The following SYT10 variants were observed in gnomAD, a reference collection of about 807,000 sequenced individuals.
SYT10 encodes the protein synaptotagmin-10.
Under a neutral mutation model 51.1 loss-of-function variants are expected in SYT10, and 31 were observed. The ratio of observed to expected loss-of-function variants is 0.61; its 90% CI spans 0.46 to 0.82. SYT10 has a LOEUF of 0.82. Among genes scored for constraint, SYT10 ranks in the 40% least tolerant of loss-of-function variants. The pLI is 0.00. For missense variants in SYT10, 603 were observed against 634.0 expected, an observed-to-expected ratio of 0.95 and a Z score of 0.53; for synonymous variants, 233 against 225.9, an observed-to-expected ratio of 1.03 and a Z score of -0.28.
At chr12:33,426,532 T>C (rs201654864) in intron 1 of SYT10, 37 bp from the exon 2 acceptor site, 6 of 1,444,416 alleles carry the variant, frequency 4.2e-6, no homozygotes, top group East Asian at 4.9e-5. Context: ...TTAATTAATA[T>C]TGTACATAAA....
Position 33,406,802 on chromosome 12 carries a change from T to C in SYT10, c.1064A>G (p.His355Arg). The C allele has an allele frequency of 6.2e-7, 1 of 1,609,744 alleles. No homozygotes were observed. The highest frequency in any genetic ancestry group is 8.5e-7 in the Non-Finnish European group (1 of 1,178,538). Residue 355 changes from histidine to arginine, a missense_variant, in exon 3 of 7, where the codon CAC becomes CGC. His to Arg is a conservative substitution (Grantham distance 29). Transcript: ENST00000228567. ...ATTACTACTTACTGTGGTAGCACAG[T>C]GAATATCTTTCCATACTGTGGCTTC... is the stretch of plus-strand genomic sequence containing the variant. Reference protein sequence around the residue: ...SREATVWKDIHCATTESIDLG... With the variant: ...SREATVWKDIRCATTESIDLG...
chr12:33,411,388 T>A (rs936549402), intron 2 of SYT10, among the ~76,000 whole-genome samples: 1 of 152,112 alleles, frequency 6.6e-6, no homozygotes, highest in African/African-American at 2.4e-5. Context: ...TACCAAAAAT[T>A]GGAAGGGAGC....
intron 2 of SYT10, among the ~76,000 whole-genome samples, chr12:33,414,253 C>G (rs1481039121): frequency 2.0e-5 from 3 of 152,198 alleles, no homozygotes; most frequent in African/African-American, 7.2e-5. Context: ...TCACACCGCA[C>G]TGTCAACATC....
At chr12:33,433,836 G>T (rs1866616368) in intron 1 of SYT10, among the ~76,000 whole-genome samples, 1 of 152,026 alleles carries the variant, frequency 6.6e-6, no homozygotes, top group Non-Finnish European at 1.5e-5. Flanking sequence ...ATGCCCTTCA[G>T]CGCCAAGGAC....
intron 3 of SYT10, among the ~76,000 whole-genome samples, chr12:33,396,827 A>T (rs955414350): frequency 4.9e-4 from 74 of 152,048 alleles, no homozygotes; most frequent in African/African-American, 1.6e-3. Context: ...ACTAGTAGAG[A>T]CGAGGTTTCA....
In SYT10 at chr12:33,414,345, C is replaced by G. The variant is rs549829480; in HGVS notation, c.510-6989G>C. Among the ~76,000 whole-genome samples, 929 of 152,318 alleles carry G rather than the reference C, an allele frequency of 6.1e-3. 6 individuals carry two copies. The highest frequency in any genetic ancestry group is 0.021 in the African/African-American group (882 of 41,576). On this transcript the variant is annotated intron_variant, in intron 2 of 6. Coordinates refer to ENST00000228567, the MANE Select transcript of SYT10 (RefSeq NM_198992.4). ...TGCACCAAGCGGACCTAATAGACAT[C>G]TACAGAACTCTCCACCCCAAATCAA...
chr12:33,404,045 TTC>T (rs1308804890), intron 3 of SYT10, among the ~76,000 whole-genome samples: 1 of 152,234 alleles, frequency 6.6e-6, no homozygotes, highest in African/African-American at 2.4e-5. Context: ...TTCTGCCTAC[TTC>T]TTTTTATATT....
chr12:33,413,805 A>G (rs1866429134), intron 2 of SYT10, among the ~76,000 whole-genome samples: 1 of 152,198 alleles, frequency 6.6e-6, no homozygotes, highest in Admixed American at 6.5e-5. Context: ...CTAACATCAT[A>G]ATGACAGGAT....
Position 33,406,971 on chromosome 12 carries a change from T to C in SYT10, c.895A>G (p.Thr299Ala). Residue 299 changes from threonine to alanine, a missense_variant, in exon 3 of 7, where the codon ACT becomes GCT. By Grantham distance (58) the Thr-to-Ala change is moderately conservative. Transcript: ENST00000228567. The part of the protein sequence containing the change: ...RKTLNPLFDE[T>A]FQFPVAYDQL... ...TCATATGCTACAGGAAATTGAAAAG[T>C]TTCATCAAATAGAGGATTTAAAGTC... 6.2e-7 allele frequency: 1 copy of C among 1,614,092 alleles called. No homozygotes were observed.
intron 1 of SYT10, among the ~76,000 whole-genome samples, chr12:33,429,686 G>A (rs1019294708): frequency 5.9e-5 from 9 of 152,152 alleles, no homozygotes; most frequent in Admixed American, 5.2e-4. Flanking sequence ...CTTACTGAAA[G>A]AAAATTCAGA....
intron 1 of SYT10, among the ~76,000 whole-genome samples, chr12:33,427,699 G>T (rs1866564229): frequency 6.6e-6 from 1 of 152,124 alleles, no homozygotes; most frequent in Non-Finnish European, 1.5e-5. Context: ...TATTAAAAAT[G>T]AAATCAAGTG....
chr12:33,434,047 A>C (rs1237224262), intron 1 of SYT10, among the ~76,000 whole-genome samples: 1 of 152,166 alleles, frequency 6.6e-6, no homozygotes, highest in Non-Finnish European at 1.5e-5. Context: ...TTGAATCATG[A>C]GATAGTTACT....
chr12:33,428,183 C>T (rs954703940), intron 1 of SYT10, among the ~76,000 whole-genome samples: 3 of 152,112 alleles, frequency 2.0e-5, no homozygotes, highest in African/African-American at 7.2e-5. Context: ...CAGTTTTGCT[C>T]GTACTGAGTT....
intron 2 of SYT10, among the ~76,000 whole-genome samples, chr12:33,415,814 C>T (rs149494668): frequency 6.6e-6 from 1 of 152,114 alleles, no homozygotes. Flanking sequence ...TGAGCATATA[C>T]CATGCAAAAA....
At chr12:33,389,112 T>C (rs1463372154) in intron 3 of SYT10, among the ~76,000 whole-genome samples, 2 of 152,196 alleles carry the variant, frequency 1.3e-5, no homozygotes, top group African/African-American at 4.8e-5. Context: ...ACTATGATTA[T>C]ACTCAGAAAT....
At chr12:33,439,320 C>A (rs1455119762) in intron 1 of SYT10, 52 bp downstream of exon 1, 5 of 1,569,924 alleles carry the variant, frequency 3.2e-6, no homozygotes, top group African/African-American at 2.7e-5. Flanking sequence ...TGCAGCCTAG[C>A]GCGCGGGGTC....
intron 1 of SYT10, among the ~76,000 whole-genome samples, chr12:33,439,115 GCGGGAGACGGCGC>G (rs1219136459): frequency 6.6e-6 from 1 of 152,252 alleles, no homozygotes; most frequent in African/African-American, 2.4e-5. Context: ...GAGGCTGGGA[GCGGGAGACGGCGC>G]CGGGAGGCGG....
In SYT10 at chr12:33,439,512, T is replaced by C. The variant is rs1415389203; in HGVS notation, c.11A>G (p.His4Arg). 4 of 1,612,396 alleles carry C rather than the reference T, an allele frequency of 2.5e-6. No homozygotes were observed. The Admixed American group carries it at 6.7e-5, about 27-fold the overall frequency. Residue 4 changes from histidine (H) to arginine (R), a missense_variant, in exon 1 of 7, where the codon CAC becomes CGC. By Grantham distance (29) the His-to-Arg change is conservative. Coordinates refer to ENST00000228567, the MANE Select transcript of SYT10 (RefSeq NM_198992.4). Reference protein sequence around the residue: MSFHKEDGVNSLCQ... With the variant: MSFRKEDGVNSLCQ... Reference sequence around the variant, plus strand: ...CAGACTGTTCACTCCGTCCTCCTTGTGGAAACTCATCGTTTGGCTTTTCTT... The same window carrying C: ...CAGACTGTTCACTCCGTCCTCCTTGCGGAAACTCATCGTTTGGCTTTTCTT...
At position 33,383,514 on chromosome 12, in the gene SYT10, T is replaced by C. The variant is rs554714300; in HGVS notation, c.1199-994A>G. Among the ~76,000 whole-genome samples, 4 of 152,202 alleles carry C rather than the reference T, an allele frequency of 2.6e-5. No homozygotes were observed. The South Asian group carries it at 8.3e-4, about 32-fold the overall frequency. ...TATTCGTGGCTGGAAATAGGGTATG[T>C]AGAGGAAAACAAGATAACAGGGTCA... On this transcript the variant is annotated intron_variant, in intron 4 of 6. Transcript: ENST00000228567.
Sources: gnomAD v4.1 joint callset for allele counts (sites outside exome capture counted in the v4.1 genomes callset) on GRCh38, gnomAD v4.1.1 for gene constraint, MANE v1.5 for transcripts, NCBI Gene and HGNC (gene_info 2026-07-23, HGNC 2026-07-21) for gene names.